SUMF1: variants seen among roughly 807,000 people sequenced by gnomAD.
The protein encoded by SUMF1 is sulfatase modifying factor 1.
Under a neutral mutation model 47.6 loss-of-function variants are expected in SUMF1, and 48 were observed. That is an observed-to-expected ratio of 1.01 (90% CI 0.80 to 1.28). SUMF1 has a LOEUF of 1.28. Among genes scored for constraint, SUMF1 ranks in the 50% most tolerant of loss-of-function variants. SUMF1 has a pLI of 0.00. For missense variants in SUMF1, 571 were observed against 485.4 expected (o/e 1.18, Z -1.66); for synonymous variants, 230 against 192.1 (o/e 1.20, Z -1.63).
intron 8 of SUMF1, among the ~76,000 whole-genome samples, chr3:4,134,536 C>A (rs112970382): frequency 0.022 from 3,273 of 152,116 alleles, 119 homozygotes; most frequent in African/African-American, 0.075. Context: ...AAAATTGACA[C>A]CCTAACATCA....
At chr3:4,054,933 C>T (rs1240734151) in intron 9 of SUMF1, among the ~76,000 whole-genome samples, 1 of 152,108 alleles carries the variant, frequency 6.6e-6, no homozygotes, top group Non-Finnish European at 1.5e-5. Flanking sequence ...TGTTAGGGAA[C>T]ATCCCCAAGG....
intron 8 of SUMF1, among the ~76,000 whole-genome samples, chr3:4,160,306 C>A (rs1250716852): frequency 6.6e-6 from 1 of 151,986 alleles, no homozygotes; most frequent in East Asian, 1.9e-4. Context: ...GTGGTACAAT[C>A]TTGACTCATT....
intron 8 of SUMF1, among the ~76,000 whole-genome samples, chr3:4,328,842 G>A (rs184156831): frequency 1.1e-3 from 175 of 152,222 alleles, no homozygotes; most frequent in South Asian, 2.3e-3. Context: ...TTTCACCTAT[G>A]AGCCTGTAAA....
chr3:4,248,444 C>T (rs1559610495), intron 8 of SUMF1, among the ~76,000 whole-genome samples: 1 of 152,128 alleles, frequency 6.6e-6, no homozygotes, highest in Non-Finnish European at 1.5e-5. Flanking sequence ...AGAAAAGATA[C>T]AAGACACAAG....
rs757147999 is a variant in SUMF1 at position 4,361,222 on chromosome 3, C to T, written c.*922G>A. 6.6e-6 allele frequency: 1 copy of T among 152,526 alleles called. No homozygotes were observed. The highest frequency in any genetic ancestry group is 6.5e-5 in the Admixed American group (1 of 15,270). 9.4% of individuals were successfully genotyped at this position (152,526 alleles called of 1,614,324 possible). A position where few individuals can be genotyped will look rare whatever the true frequency, so the allele number is the denominator to read the frequency against. On this transcript the variant is annotated 3_prime_UTR_variant, in exon 9 of 9. Coordinates refer to ENST00000272902, the MANE Select transcript of SUMF1 (RefSeq NM_182760.4). ...GATATTCCACAGCCAACAAGGTTTC[C>T]TATTCCCTATTACAAAATACCGGAT...
intron 8 of SUMF1, among the ~76,000 whole-genome samples, chr3:4,104,894 G>A (rs1477502224): frequency 1.3e-5 from 2 of 152,030 alleles, no homozygotes; most frequent in African/African-American, 4.8e-5. Flanking sequence ...CAAAGGGATT[G>A]AAATCAGTAT....
chr3:4,083,645 C>A (rs1692613240), intron 8 of SUMF1, among the ~76,000 whole-genome samples: 1 of 152,076 alleles, frequency 6.6e-6, no homozygotes, highest in Non-Finnish European at 1.5e-5. Flanking sequence ...GAACTTATAC[C>A]TCTGGCTTAT....
intron 3 of SUMF1, among the ~76,000 whole-genome samples, chr3:4,447,281 T>A (rs1296317942): frequency 3.9e-5 from 6 of 152,186 alleles, no homozygotes; most frequent in Admixed American, 3.9e-4. Context: ...AAATAAACCA[T>A]ATTATTAACT....
Position 4,348,075 on chromosome 3 carries a change from T to G in SUMF1, c.1014+28255A>C, listed in dbSNP as rs187533286. 2.6e-5 allele frequency among the ~76,000 whole-genome samples: 4 copies of G among 152,272 alleles called. No homozygotes were observed. The East Asian group carries it at 7.7e-4, about 29-fold the overall frequency. ...ATTCCATCCTCATGGATGGGAAGAA[T>G]CAATACCATGAAAATGGCCATAGTG... On this transcript the variant is annotated intron_variant and NMD_transcript_variant, in intron 8 of 12. Coordinates refer to the SUMF1 transcript ENST00000448413.
At chr3:4,077,802 T>C (rs780472801) in intron 8 of SUMF1, among the ~76,000 whole-genome samples, 1 of 151,870 alleles carries the variant, frequency 6.6e-6, no homozygotes, top group Non-Finnish European at 1.5e-5. Flanking sequence ...ACTTAAAGTA[T>C]AATAAAAAAA....
At chr3:4,066,407 C>T (rs1474956902) in intron 9 of SUMF1, among the ~76,000 whole-genome samples, 1 of 152,066 alleles carries the variant, frequency 6.6e-6, no homozygotes, top group Non-Finnish European at 1.5e-5. Flanking sequence ...CAAATTGTCT[C>T]ATAGAATGAT....
intron 8 of SUMF1, among the ~76,000 whole-genome samples, chr3:4,075,024 T>G (rs1087831): frequency 2.0e-5 from 3 of 151,876 alleles, no homozygotes; most frequent in East Asian, 1.9e-4. Context: ...TACCAAAGCC[T>G]GGCAGAGACA....
chr3:4,367,520 A>G (rs1700018078), intron 8 of SUMF1, among the ~76,000 whole-genome samples: 2 of 151,694 alleles, frequency 1.3e-5, no homozygotes, highest in African/African-American at 4.8e-5. Context: ...AAGAGCCCGC[A>G]TCACCAAGTC....
intron 8 of SUMF1, chr3:4,303,379 G>A (rs1698027388): frequency 1.3e-6 from 2 of 1,550,566 alleles, no homozygotes; most frequent in Non-Finnish European, 8.7e-7. Flanking sequence ...AAATGTTCGC[G>A]GAAGCGGCAA....
chr3:4,266,541 A>G (rs1697198781), intron 8 of SUMF1, among the ~76,000 whole-genome samples: 1 of 152,168 alleles, frequency 6.6e-6, no homozygotes, highest in Non-Finnish European at 1.5e-5. Flanking sequence ...TTATTGGTGT[A>G]TAAGAATGCT....
chr3:4,066,176 C>G (rs937258862), intron 9 of SUMF1, among the ~76,000 whole-genome samples: 1 of 151,846 alleles, frequency 6.6e-6, no homozygotes, highest in East Asian at 1.9e-4. Flanking sequence ...CAGGAACCCT[C>G]CCCCATCATT....
intron 8 of SUMF1, among the ~76,000 whole-genome samples, chr3:4,213,960 G>A (rs1400918638): frequency 1.3e-5 from 2 of 152,048 alleles, no homozygotes; most frequent in African/African-American, 2.4e-5. Flanking sequence ...CGATAATGAT[G>A]GGAGACTTAA....
intron 8 of SUMF1, among the ~76,000 whole-genome samples, chr3:4,372,333 G>A (rs1354328391): frequency 6.6e-6 from 1 of 152,058 alleles, no homozygotes; most frequent in Admixed American, 6.6e-5. Context: ...CAGGCAAACT[G>A]GTGTTGGCCC....
At chr3:4,277,961 T>C (rs920515611) in intron 8 of SUMF1, among the ~76,000 whole-genome samples, 1 of 152,112 alleles carries the variant, frequency 6.6e-6, no homozygotes, top group Non-Finnish European at 1.5e-5. Flanking sequence ...GCAGTTAAAG[T>C]ACAGCAGTTA....
Sources: gnomAD v4.1 joint callset for allele counts (sites outside exome capture counted in the v4.1 genomes callset) on GRCh38, gnomAD v4.1.1 for gene constraint, MANE v1.5 for transcripts, NCBI Gene and HGNC (gene_info 2026-07-23, HGNC 2026-07-21) for gene names.